Variants in UVSSA observed in about 807,000 individuals in gnomAD.
UVSSA encodes the protein UV-stimulated scaffold protein A.
UVSSA carries 72 observed loss-of-function variants against 73.9 expected under a neutral mutation model. The observed-to-expected ratio is 0.97, with a 90% confidence interval of 0.81 to 1.19. The LOEUF is 1.19. UVSSA is among the 50% of genes most tolerant of loss of function. The pLI is 0.00. For missense variants in UVSSA, 1,150 were observed against 965.0 expected, an observed-to-expected ratio of 1.19 and a Z score of -2.54; for synonymous variants, 454 against 391.3, an observed-to-expected ratio of 1.16 and a Z score of -1.89.
downstream of UVSSA, chr4:1,391,299 T>G (rs1392238902): frequency 6.6e-6 from 1 of 152,542 alleles, no homozygotes; most frequent in East Asian, 1.9e-4. Flanking sequence ...AGAAGCCTGT[T>G]GGGTCTGATT....
Position 1,354,771 on chromosome 4 carries a change from C to G in UVSSA, c.971C>G (p.Ala324Gly). The change falls in exon 6 of 14, where the codon GCT becomes GGT. Residue 324 changes from alanine (A) to glycine (G), a missense_variant. Physicochemically the swap from Ala to Gly is moderately conservative, Grantham distance 60 (BLOSUM62 0). Coordinates refer to ENST00000389851, the MANE Select transcript of UVSSA (RefSeq NM_020894.4). ...GTGCAGGAGAACGAGGACAACCTTG[C>G]TCTCATCCACGCCGCCCGCGACACA... ...LKVQENEDNLALIHAARDTLK... is the reference protein window; with the variant it reads ...LKVQENEDNLGLIHAARDTLK... The G allele has an allele frequency of 6.2e-7, 1 of 1,613,690 alleles. No individual in the cohort carries two copies. The highest frequency in any genetic ancestry group is 8.5e-7 in the Non-Finnish European group (1 of 1,179,976).
chr4:1,363,527 C>T (rs578037637), intron 7 of UVSSA, among the ~76,000 whole-genome samples: 8 of 152,164 alleles, frequency 5.3e-5, no homozygotes, highest in East Asian at 3.8e-4. Context: ...TTGTAGCACC[C>T]GGTCCACATC....
chr4:1,376,514 G>A (rs566101843), intron 10 of UVSSA, among the ~76,000 whole-genome samples: 13 of 152,314 alleles, frequency 8.5e-5, no homozygotes, highest in African/African-American at 3.1e-4. Flanking sequence ...CTGCACGGTT[G>A]GCTGAGGCCT....
chr4:1,375,553 C>T, intron 9 of UVSSA, 45 bp downstream of exon 9: 1 of 1,587,652 alleles, frequency 6.3e-7, no homozygotes, highest in South Asian at 1.1e-5. Context: ...CCCGGCGCTG[C>T]CACAGCCTCT....
intron 7 of UVSSA, among the ~76,000 whole-genome samples, chr4:1,361,852 ATT>A (rs59450439): frequency 8.3e-4 from 119 of 142,954 alleles, no homozygotes; most frequent in African/African-American, 2.5e-3. Context: ...GCCTTACATC[ATT>A]TTTTTTTTTT....
chr4:1,388,211 TTAA>T (rs558547160), downstream of UVSSA: 31 of 152,246 alleles, frequency 2.0e-4, no homozygotes, highest in Non-Finnish European at 4.1e-4. Context: ...TTATAAATTA[TTAA>T]AAGATTATAA....
intron 8 of UVSSA, among the ~76,000 whole-genome samples, chr4:1,372,764 G>A (rs1448126791): frequency 9.4e-5 from 6 of 63,976 alleles, no homozygotes; most frequent in African/African-American, 2.8e-4. Flanking sequence ...CTCACCTCCC[G>A]CGTCTCAGGG....
rs1720471861 is a variant in UVSSA at position 1,394,412 on chromosome 4, T to C, written c.*8451T>C. 3.8e-6 allele frequency: 6 copies of C among 1,562,502 alleles called. No homozygotes were observed. The Admixed American group carries it at 1.1e-4, about 29-fold the overall frequency. On this transcript the variant is annotated 3_prime_UTR_variant, in exon 14 of 14. Transcript: ENST00000511216. ...TACTTTTATGGGTTTCATTTTCATA[T>C]TGAAATCATTGATCTACTTCTAGTT...
intron 7 of UVSSA, among the ~76,000 whole-genome samples, chr4:1,361,852 ATTTT>A (rs59450439): frequency 7.0e-6 from 1 of 143,004 alleles, no homozygotes. Context: ...GCCTTACATC[ATTTT>A]TTTTTTTTTT....
At chr4:1,371,432 G>C (rs1201962960) in intron 8 of UVSSA, among the ~76,000 whole-genome samples, 1 of 152,178 alleles carries the variant, frequency 6.6e-6, no homozygotes, top group Non-Finnish European at 1.5e-5. Context: ...TGTTGACTTA[G>C]TACTTGGTTT....
chr4:1,353,041 G>A lies in UVSSA; in HGVS notation c.562G>A (p.Glu188Lys). 1 of 1,609,522 alleles carries A rather than the reference G, an allele frequency of 6.2e-7. No individual in the cohort carries two copies. Among genetic ancestry groups the A allele is most frequent in the Non-Finnish European group, 8.5e-7 (1 of 1,177,810 alleles). Residue 188 changes from glutamate to lysine, a missense_variant, in exon 5 of 14, where the codon GAA (glutamate) becomes AAA (lysine). Physicochemically the swap from Glu to Lys is moderately conservative, Grantham distance 56. Coordinates refer to ENST00000389851, the MANE Select transcript of UVSSA (RefSeq NM_020894.4). ...AEREMQEMSG[E>K]IESCLTEVES... The stretch of plus-strand genomic sequence containing the variant: ...TGATCTTCCGGCAGAAATGTCTGGA[G>A]AAATTGAATCCTGCTTGACGGAGGT...
chr4:1,346,138 CTTCTT>C (rs548621676), upstream of UVSSA, among the ~76,000 whole-genome samples: 22 of 152,288 alleles, frequency 1.4e-4, no homozygotes, highest in East Asian at 4.2e-3. Context: ...GGGAGTCCCT[CTTCTT>C]TTCCTTTTTA....
Position 1,351,761 on chromosome 4 carries a change from G to C in UVSSA, c.476G>C (p.Arg159Thr). The change falls in exon 4 of 14, where the codon AGA becomes ACA. Residue 159 changes from arginine (R) to threonine (T), a missense_variant. Coordinates refer to ENST00000389851, the MANE Select transcript of UVSSA (RefSeq NM_020894.4). ...TNARSLAERKREEEKQKHLDK... is the reference protein window; with the variant it reads ...TNARSLAERKTEEEKQKHLDK... Reference sequence around the variant, plus strand: ...GCTCGGAGTCTGGCAGAAAGGAAGAGAGAAGAGGAGAAGCAGAAGCACTTG... The same window carrying C: ...GCTCGGAGTCTGGCAGAAAGGAAGACAGAAGAGGAGAAGCAGAAGCACTTG... The C allele has an allele frequency of 6.2e-7, 1 of 1,613,712 alleles. No homozygotes were observed. Among genetic ancestry groups the C allele is most frequent in the Non-Finnish European group, 8.5e-7 (1 of 1,179,872 alleles).
chr4:1,395,157 T>G lies in UVSSA; in HGVS notation c.*9196T>G, dbSNP rs147924999. On this transcript the variant is annotated 3_prime_UTR_variant, in exon 14 of 14. Coordinates refer to the UVSSA transcript ENST00000511216. ...GCCTGCCTGCTCACACGTGCCCATG[T>G]GGAGTGTTCGCCTGCTCACACGTGC... The G allele has an allele frequency of 1.1e-5, 12 of 1,120,964 alleles. 3 individuals carry two copies. The highest frequency in any genetic ancestry group is 1.5e-5 in the Non-Finnish European group (12 of 823,700). The allele number at this position is 1,120,964 out of a possible 1,614,324, so 69.4% of individuals were successfully genotyped here. A position where few individuals can be genotyped will look rare whatever the true frequency, so the allele number is the denominator to read the frequency against.
At chr4:1,344,936 C>T (rs1437519729), upstream of UVSSA, among the ~76,000 whole-genome samples, 1 of 152,198 alleles carries the variant, frequency 6.6e-6, no homozygotes, top group East Asian at 1.9e-4. Context: ...ATCCGCTCCC[C>T]AGAGGCCGTG....
downstream of UVSSA, chr4:1,389,782 C>G (rs1392705957): frequency 6.6e-6 from 1 of 152,200 alleles, no homozygotes; most frequent in Non-Finnish European, 1.5e-5. Flanking sequence ...ACCTTGACCT[C>G]TCAAAGTGCT....
upstream of UVSSA, among the ~76,000 whole-genome samples, chr4:1,343,504 T>C (rs764642398): frequency 1.3e-5 from 2 of 152,214 alleles, no homozygotes; most frequent in Non-Finnish European, 2.9e-5. Flanking sequence ...ATGAATATGG[T>C]ATATCTTCCT....
rs1337485255 is a variant in UVSSA, at chr4:1,387,091, A to AGAGC, written c.*1130_*1131insGAGC. The AGAGC allele has an allele frequency of 6.6e-6, 1 of 150,946 alleles. No individual in the cohort carries two copies. Among genetic ancestry groups the AGAGC allele is most frequent in the Non-Finnish European group, 1.5e-5 (1 of 67,876 alleles). 9.4% of individuals were successfully genotyped at this position (150,946 alleles called of 1,614,324 possible). A position where few individuals can be genotyped will look rare whatever the true frequency, so the allele number is the denominator to read the frequency against. On this transcript the variant is annotated 3_prime_UTR_variant, in exon 14 of 14. Coordinates refer to ENST00000389851, the MANE Select transcript of UVSSA (RefSeq NM_020894.4). Reference sequence around the variant, plus strand: ...AAAAACTTTATTTATTTATTTATTTATTTTTGAAATGGAATCTTGCTCTGT... The same window carrying AGAGC: ...AAAAACTTTATTTATTTATTTATTTAGAGCTTTTTGAAATGGAATCTTGCTCTGT...
chr4:1,395,929 C>A (rs1720542287), exon 14 of UVSSA: 1 of 1,553,682 alleles, frequency 6.4e-7, no homozygotes, highest in Non-Finnish European at 8.7e-7. Flanking sequence ...TAGCCTGGTG[C>A]TTTTCGTATC....
Sources: allele counts gnomAD v4.1 joint callset (sites outside exome capture counted in the v4.1 genomes callset), GRCh38; gene constraint gnomAD v4.1.1; transcripts MANE v1.5; gene names NCBI Gene and HGNC (gene_info 2026-07-23, HGNC 2026-07-21).